The following ANKRD44 variants were observed in gnomAD, a reference collection of about 807,000 sequenced individuals.
ANKRD44 encodes the protein serine/threonine-protein phosphatase 6 regulatory ankyrin repeat subunit B.
In ANKRD44, 35 loss-of-function variants were observed where a neutral mutation model predicts 116.0. The ratio of observed to expected loss-of-function variants is 0.30; its 90% CI spans 0.23 to 0.40. The LOEUF is 0.40. Ranked by LOEUF, ANKRD44 falls within the 10% of genes least tolerant of loss-of-function variation. ANKRD44 has a pLI of 1.00. For synonymous variants in ANKRD44, 435 were observed against 461.8 expected (o/e 0.94, Z 0.74); for missense variants, 1,014 against 1,242.6 (o/e 0.82, Z 2.77).
chr2:197,155,136 C>A (rs948335619), intron 2 of ANKRD44, among the ~76,000 whole-genome samples: 1 of 152,122 alleles, frequency 6.6e-6, no homozygotes, highest in Non-Finnish European at 1.5e-5. Flanking sequence ...TTCTAAAAAT[C>A]AAATAATGTA....
chr2:197,160,163 A>G (rs1017951009), intron 2 of ANKRD44, among the ~76,000 whole-genome samples: 1 of 152,014 alleles, frequency 6.6e-6, no homozygotes, highest in Non-Finnish European at 1.5e-5. Flanking sequence ...GCCACGTATG[A>G]GCTGTGTGAC....
At chr2:197,215,946 CTTGA>C (rs1037130054) in intron 1 of ANKRD44, among the ~76,000 whole-genome samples, 3 of 152,166 alleles carry the variant, frequency 2.0e-5, no homozygotes, top group Non-Finnish European at 4.4e-5. Flanking sequence ...ACTTCACAAC[CTTGA>C]TTAACAGCAG....
At chr2:197,266,884 G>A (rs1336079454) in intron 1 of ANKRD44, among the ~76,000 whole-genome samples, 2 of 151,954 alleles carry the variant, frequency 1.3e-5, no homozygotes, top group African/African-American at 4.8e-5. Context: ...TATACGGTCT[G>A]TTAAAAATAA....
intron 16 of ANKRD44, among the ~76,000 whole-genome samples, chr2:197,064,053 AACGTCGGGTT>A (rs2077378235): frequency 6.6e-6 from 1 of 152,232 alleles, no homozygotes; most frequent in South Asian, 2.1e-4. Flanking sequence ...GTCAGAGAGA[AACGTCGGGTT>A]ACCCTCAAAG....
chr2:197,218,118 G>C (rs1485983247), intron 1 of ANKRD44, among the ~76,000 whole-genome samples: 1 of 152,202 alleles, frequency 6.6e-6, no homozygotes, highest in African/African-American at 2.4e-5. Context: ...ATTCTCATTT[G>C]CCTGGGATAC....
intron 8 of ANKRD44, among the ~76,000 whole-genome samples, chr2:197,115,495 T>C (rs2078686880): frequency 6.6e-6 from 1 of 152,148 alleles, no homozygotes; most frequent in Admixed American, 6.5e-5. Flanking sequence ...AGTCAATCAA[T>C]GTAAGCAAAA....
chr2:196,990,583 C>A, intron 27 of ANKRD44: 2 of 1,230,660 alleles, frequency 1.6e-6, no homozygotes, highest in Non-Finnish European at 1.0e-6. Flanking sequence ...GAAGCCCAGG[C>A]CCCAAATAAT....
At chr2:196,991,360 C>A (rs549251313) in intron 27 of ANKRD44, among the ~76,000 whole-genome samples, 1 of 152,250 alleles carries the variant, frequency 6.6e-6, no homozygotes, top group African/African-American at 2.4e-5. Context: ...ATTCTGAGAA[C>A]AATGACTTTC....
intron 1 of ANKRD44, among the ~76,000 whole-genome samples, chr2:197,257,902 C>T (rs867942187): frequency 1.3e-5 from 2 of 152,114 alleles, no homozygotes; most frequent in East Asian, 1.9e-4. Context: ...TTGCCTCCCC[C>T]CTTTATCCCT....
chr2:197,081,602 C>T lies in ANKRD44; in HGVS notation c.1538+43G>A, dbSNP rs375664169. 3.6e-4 allele frequency: 557 copies of T among 1,556,244 alleles called. 8 individuals are homozygous for T. In the South Asian group the frequency reaches 5.1e-3, roughly 14 times the overall value. On this transcript the variant is annotated intron_variant, in intron 15 of 27. Coordinates refer to ENST00000282272, the MANE Select transcript of ANKRD44 (RefSeq NM_001195144.2). ...TGGCAACTCAGAAAAGCAGAAGAAG[C>T]GTCAGAAATGGCACCTTGTTCTTAA...
At chr2:197,139,629 A>G (rs1321359256) in intron 3 of ANKRD44, among the ~76,000 whole-genome samples, 1 of 151,450 alleles carries the variant, frequency 6.6e-6, no homozygotes, top group Non-Finnish European at 1.5e-5. Flanking sequence ...AAAAATATAT[A>G]GATATAGATA....
chr2:197,118,462 T>C (rs977222224), intron 8 of ANKRD44, among the ~76,000 whole-genome samples: 1 of 150,188 alleles, frequency 6.7e-6, no homozygotes, highest in East Asian at 2.0e-4. Flanking sequence ...TGGTGGCAGG[T>C]GCCTGTAATC....
intron 1 of ANKRD44, chr2:197,302,615 C>T (rs766339432): frequency 1.3e-5 from 2 of 152,084 alleles, no homozygotes; most frequent in Non-Finnish European, 2.9e-5. Context: ...TTGATTTGTC[C>T]CGGCTGACCT....
At chr2:197,039,902 A>G (rs559613526) in intron 16 of ANKRD44, among the ~76,000 whole-genome samples, 99 of 152,296 alleles carry the variant, frequency 6.5e-4, no homozygotes, top group Admixed American at 3.0e-3. Flanking sequence ...GGCAAAGAGG[A>G]TAATTTCATG....
At chr2:197,253,033 T>C (rs540080745) in intron 1 of ANKRD44, among the ~76,000 whole-genome samples, 1 of 152,334 alleles carries the variant, frequency 6.6e-6, no homozygotes, top group South Asian at 2.1e-4. Flanking sequence ...CTCAGGATGT[T>C]CCCTGAAGTA....
chr2:197,070,641 T>C (rs953779891), intron 16 of ANKRD44, among the ~76,000 whole-genome samples: 12 of 152,132 alleles, frequency 7.9e-5, no homozygotes, highest in Non-Finnish European at 1.6e-4. Context: ...TGAATTCTAT[T>C]TGGTAATTTG....
chr2:197,244,852 G>C (rs930470523), intron 1 of ANKRD44, among the ~76,000 whole-genome samples: 1 of 152,172 alleles, frequency 6.6e-6, no homozygotes, highest in African/African-American at 2.4e-5. Context: ...GTATAAGTGG[G>C]TGACCCTGTG....
At chr2:197,288,863 C>T (rs1250769665) in intron 1 of ANKRD44, among the ~76,000 whole-genome samples, 1 of 152,032 alleles carries the variant, frequency 6.6e-6, no homozygotes, top group African/African-American at 2.4e-5. Context: ...ATCATGGACC[C>T]AGAGGATAGA....
intron 16 of ANKRD44, among the ~76,000 whole-genome samples, chr2:197,077,019 C>T (rs557971517): frequency 1.3e-5 from 2 of 152,170 alleles, no homozygotes; most frequent in African/African-American, 2.4e-5. Flanking sequence ...TGGGTATACA[C>T]CCAGTGGTGG....
Sources: gnomAD v4.1 joint callset for allele counts (sites outside exome capture counted in the v4.1 genomes callset) on GRCh38, gnomAD v4.1.1 for gene constraint, MANE v1.5 for transcripts, NCBI Gene and HGNC (gene_info 2026-07-23, HGNC 2026-07-21) for gene names.